The following NTNG2 variants were observed in gnomAD, a reference collection of about 807,000 sequenced individuals.
NTNG2 encodes netrin-G2.
A neutral mutation model predicts 47.6 loss-of-function variants in NTNG2; 15 were observed. The observed-to-expected ratio is 0.32, with a 90% confidence interval of 0.21 to 0.49. NTNG2 has a LOEUF of 0.49. Among genes scored for constraint, NTNG2 ranks in the 20% least tolerant of loss-of-function variants. NTNG2 has a pLI of 0.99. For synonymous variants in NTNG2, 307 were observed against 324.6 expected, an observed-to-expected ratio of 0.95 and a Z score of 0.58; for missense variants, 578 against 764.6, an observed-to-expected ratio of 0.76 and a Z score of 2.88.
At chr9:132,187,009 G>A (rs1268972156) in intron 2 of NTNG2, among the ~76,000 whole-genome samples, 2 of 152,276 alleles carry the variant, frequency 1.3e-5, no homozygotes, top group Non-Finnish European at 2.9e-5. Flanking sequence ...ATAATGCGGG[G>A]TGAGGGGCGG....
chr9:132,164,290 G>T (rs1835330275), intron 1 of NTNG2, among the ~76,000 whole-genome samples: 1 of 152,134 alleles, frequency 6.6e-6, no homozygotes, highest in African/African-American at 2.4e-5. Context: ...AGATTTGCGA[G>T]TTGCGCCGCG....
At chr9:132,222,616 C>T (rs1291251953) in intron 3 of NTNG2, among the ~76,000 whole-genome samples, 1 of 152,166 alleles carries the variant, frequency 6.6e-6, no homozygotes, top group African/African-American at 2.4e-5. Flanking sequence ...AGACGTCCTT[C>T]GTCCTGGGAA....
chr9:132,241,857 C>A lies in NTNG2; in HGVS notation c.1358-19C>A. Reference sequence around the variant, plus strand: ...GGGACCGGGCCACCCCCCGTGCTGACCGCCCCCTCCGCCTGCAGCCAACGT... The same window carrying A: ...GGGACCGGGCCACCCCCCGTGCTGAACGCCCCCTCCGCCTGCAGCCAACGT... On this transcript the variant is annotated intron_variant, in intron 7 of 7. Coordinates refer to ENST00000393229, the MANE Select transcript of NTNG2 (RefSeq NM_032536.4). The A allele has an allele frequency of 3.3e-6, 5 of 1,537,016 alleles. No individual in the cohort carries two copies. In the South Asian group the frequency reaches 3.5e-5, roughly 11 times the overall value.
chr9:132,216,414 C>CTCTCTCTCTCTCTCTG (rs1554790515), intron 3 of NTNG2, among the ~76,000 whole-genome samples: 3 of 110,288 alleles, frequency 2.7e-5, no homozygotes, highest in African/African-American at 1.5e-4. Context: ...CTCTCTCTCT[C>CTCTCTCTCTCTCTCTG]TGTGTGTGTG....
At chr9:132,185,390 G>A (rs1837284943) in intron 2 of NTNG2, among the ~76,000 whole-genome samples, 2 of 152,174 alleles carry the variant, frequency 1.3e-5, no homozygotes. Flanking sequence ...CCCAGCCAGG[G>A]GGGCCTGTCC....
chr9:132,216,258 C>T (rs369972107), intron 3 of NTNG2, among the ~76,000 whole-genome samples: 1 of 152,302 alleles, frequency 6.6e-6, no homozygotes, highest in South Asian at 2.1e-4. Flanking sequence ...ACATTGAGCA[C>T]CTACTGTGTG....
intron 3 of NTNG2, among the ~76,000 whole-genome samples, chr9:132,212,615 G>A (rs1403292918): frequency 2.6e-5 from 4 of 152,096 alleles, no homozygotes; most frequent in Admixed American, 2.6e-4. Context: ...CCACGGCTCT[G>A]TTGTTGGTTC....
In NTNG2 at chr9:132,187,949, C is replaced by T. The variant is rs530747331; in HGVS notation, c.214-10017C>T. 2.2e-4 allele frequency among the ~76,000 whole-genome samples: 34 copies of T among 152,224 alleles called. 1 individual carries two copies. Among genetic ancestry groups the T allele is most frequent in the Non-Finnish European group, 4.4e-4 (30 of 68,042 alleles). ...TTTTGTGAACGGGGAAACCAAGGCA[C>T]AGATAGGGCAAGGCCCTGGCCAAGG... On this transcript the variant is annotated intron_variant, in intron 2 of 7. Transcript: ENST00000393229.
rs1564395955 is a variant in NTNG2, at chr9:132,185,879, AGGAGGAGGAGGAGGG to A, written c.214-12086_214-12072del. ...GAGTGGGAGGAGGAGGAGGAGTGGG[AGGAGGAGGAGGAGGG>A]AAAGGAGGAGGAGCAGCAGCGGCTG... is the stretch of plus-strand genomic sequence containing the variant. On this transcript the variant is annotated intron_variant, in intron 2 of 7. Transcript: ENST00000393229. Among the ~76,000 whole-genome samples the A allele has an allele frequency of 6.4e-3, 962 of 149,234 alleles. 9 individuals are homozygous for A. The highest frequency in any genetic ancestry group is 0.022 in the African/African-American group (881 of 40,228).
intron 2 of NTNG2, among the ~76,000 whole-genome samples, chr9:132,196,695 C>T (rs993052848): frequency 3.9e-5 from 6 of 152,164 alleles, no homozygotes; most frequent in Non-Finnish European, 5.9e-5. Context: ...ATGGGTTTTC[C>T]ACACCAACAA....
At position 132,208,857 on chromosome 9, in the gene NTNG2, T is replaced by C. The variant is rs956897370; in HGVS notation, c.857+10248T>C. 1.3e-5 allele frequency among the ~76,000 whole-genome samples: 2 copies of C among 151,722 alleles called. No individual in the cohort carries two copies. The highest frequency in any genetic ancestry group is 2.9e-5 in the Non-Finnish European group (2 of 68,010). Reference sequence around the variant, plus strand: ...CACAGCCTGGGCCCACAACAGCCCGTCTCTCCAAGAACTCCCGTCCCGAGA... The same window carrying C: ...CACAGCCTGGGCCCACAACAGCCCGCCTCTCCAAGAACTCCCGTCCCGAGA... On this transcript the variant is annotated intron_variant, in intron 3 of 7. Transcript: ENST00000393229. This position sits in a 1 kb window ranked among gnomAD's most constrained non-coding sequence, Gnocchi z 4.0.
In NTNG2 at chr9:132,221,564, G is replaced by A. The variant is rs185962521; in HGVS notation, c.858-5285G>A. Among the ~76,000 whole-genome samples, 190 of 152,312 alleles carry A rather than the reference G, an allele frequency of 1.2e-3. No homozygotes were observed. Among genetic ancestry groups the A allele is most frequent in the African/African-American group, 4.4e-3 (184 of 41,558 alleles). ...TCCTCCCTGCAGCCCTGCTAGACAG[G>A]GCAATTCTCTCCTTTGGAAGAGGAG... On this transcript the variant is annotated intron_variant, in intron 3 of 7. Transcript: ENST00000393229. This position sits in a 1 kb window ranked among gnomAD's most constrained non-coding sequence, Gnocchi z 4.2.
At chr9:132,192,786 A>G (rs1192353492) in intron 2 of NTNG2, among the ~76,000 whole-genome samples, 1 of 152,138 alleles carries the variant, frequency 6.6e-6, no homozygotes, top group East Asian at 1.9e-4. Context: ...ACAGAAAGAG[A>G]AAGAGGGAGA....
chr9:132,236,654 C>G lies in NTNG2; in HGVS notation c.1055-2450C>G, dbSNP rs1159513390. Among the ~76,000 whole-genome samples the G allele has an allele frequency of 1.3e-5, 2 of 152,228 alleles. No individual in the cohort carries two copies. The highest frequency in any genetic ancestry group is 3.9e-4 in the East Asian group (2 of 5,192). On this transcript the variant is annotated intron_variant, in intron 5 of 7. Transcript: ENST00000393229. This position sits in a 1 kb window ranked among gnomAD's most constrained non-coding sequence, Gnocchi z 4.3. ...AACCTGGAGGACCTGGGCCTGGTGTCCTCTGTGGTGATGGAGACAGAGCTG... is the reference window on the plus strand; with the variant it reads ...AACCTGGAGGACCTGGGCCTGGTGTGCTCTGTGGTGATGGAGACAGAGCTG...
At chr9:132,194,775 G>T (rs1012017326) in intron 2 of NTNG2, among the ~76,000 whole-genome samples, 5 of 152,232 alleles carry the variant, frequency 3.3e-5, no homozygotes, top group Non-Finnish European at 7.3e-5. Flanking sequence ...CTGCCTCAAT[G>T]AACCGAGGGT....
At chr9:132,203,445 G>A (rs1838935420) in intron 3 of NTNG2, among the ~76,000 whole-genome samples, 1 of 152,144 alleles carries the variant, frequency 6.6e-6, no homozygotes, top group Admixed American at 6.5e-5. Context: ...GAAGGGTGTG[G>A]CCTGGGGAGA....
rs1340211868 is a variant in NTNG2 at position 132,221,467 on chromosome 9, C to A, written c.858-5382C>A. 2.6e-5 allele frequency among the ~76,000 whole-genome samples: 4 copies of A among 152,198 alleles called. No homozygotes were observed. In the East Asian group the frequency reaches 5.8e-4, roughly 22 times the overall value. On this transcript the variant is annotated intron_variant, in intron 3 of 7. Transcript: ENST00000393229. The surrounding 1 kb of genome is among the most constrained non-coding windows in gnomAD (Gnocchi z 4.2). ...CAGTGACCTGCAAAAGTCAGAGAGA[C>A]CAGAAGCACCTGCATTGACCAGGTG...
intron 3 of NTNG2, among the ~76,000 whole-genome samples, chr9:132,222,832 G>A (rs769808940): frequency 2.6e-5 from 4 of 152,168 alleles, no homozygotes; most frequent in African/African-American, 7.2e-5. Context: ...TAGGCCAGTC[G>A]CAATGGCTCA....
Position 132,190,209 on chromosome 9 carries a change from G to A in NTNG2, c.214-7757G>A, listed in dbSNP as rs1837767967. Among the ~76,000 whole-genome samples, 3 of 135,624 alleles carry A rather than the reference G, an allele frequency of 2.2e-5. No individual in the cohort carries two copies. The Admixed American group carries it at 2.3e-4, about 10-fold the overall frequency. 89.0% of individuals were successfully genotyped at this position (135,624 alleles called of 152,430 possible). A position where few individuals can be genotyped will look rare whatever the true frequency, so the allele number is the denominator to read the frequency against. The stretch of plus-strand genomic sequence containing the variant: ...GATAGCGCCACTGCACTCCAGACTG[G>A]GCGAAAGAGAGAGACTCCATCTCAA... On this transcript the variant is annotated intron_variant, in intron 2 of 7. Transcript: ENST00000393229.
Sources: gnomAD v4.1 joint callset for allele counts (sites outside exome capture counted in the v4.1 genomes callset) on GRCh38, gnomAD v4.1.1 for gene constraint, Gnocchi (gnomAD v3.1) non-coding constraint, MANE v1.5 for transcripts, NCBI Gene and HGNC (gene_info 2026-07-23, HGNC 2026-07-21) for gene names.